Variants in PLCB1 observed in about 807,000 individuals in gnomAD.
PLCB1 encodes phospholipase C beta 1.
In PLCB1, 46 loss-of-function variants were observed where a neutral mutation model predicts 161.8. The observed-to-expected ratio is 0.28, with a 90% CI of 0.22 to 0.36. The LOEUF (loss-of-function observed/expected upper bound fraction) is 0.36. Ranked by LOEUF, PLCB1 falls within the 10% of genes least tolerant of loss-of-function variation. The pLI is 1.00. For synonymous variants in PLCB1, 517 were observed against 503.7 expected, an observed-to-expected ratio of 1.03 and a Z score of -0.35; for missense variants, 1,016 against 1,472.5, an observed-to-expected ratio of 0.69 and a Z score of 5.07.
At chr20:8,820,165 A>C (rs936161346) in intron 31 of PLCB1, among the ~76,000 whole-genome samples, 13 of 148,346 alleles carry the variant, frequency 8.8e-5, no homozygotes, top group Non-Finnish European at 1.6e-4. Context: ...TACGAATTCA[A>C]CCAGCAGATA....
intron 2 of PLCB1, among the ~76,000 whole-genome samples, chr20:8,206,218 G>T (rs1323130643): frequency 2.0e-5 from 3 of 152,092 alleles, no homozygotes; most frequent in Non-Finnish European, 4.4e-5. Flanking sequence ...CAGTGGCTTT[G>T]GTTTTAAGGT....
chr20:8,707,247 G>C (rs1978734195), intron 11 of PLCB1, among the ~76,000 whole-genome samples: 1 of 152,106 alleles, frequency 6.6e-6, no homozygotes, highest in Non-Finnish European at 1.5e-5. Flanking sequence ...ATACTCTGGG[G>C]CCAGGGAAAT....
chr20:8,334,367 A>G (rs1210381097), intron 2 of PLCB1, among the ~76,000 whole-genome samples: 2 of 152,254 alleles, frequency 1.3e-5, no homozygotes, highest in African/African-American at 2.4e-5. Context: ...ATTTATAAGC[A>G]TTAAATTGAA....
At chr20:8,675,790 G>A (rs73597546) in intron 9 of PLCB1, among the ~76,000 whole-genome samples, 14,016 of 152,148 alleles carry the variant, frequency 0.092, 756 homozygotes, top group African/African-American at 0.15. Context: ...TAGGTATCTG[G>A]CTATATGTTT....
At chr20:8,733,137 C>T in intron 18 of PLCB1, 101 bp from the exon 19 acceptor site, 7 of 1,159,210 alleles carry the variant, frequency 6.0e-6, no homozygotes, top group South Asian at 4.1e-5. Flanking sequence ...CAAGGGAATA[C>T]AGTCACAAAA....
intron 3 of PLCB1, among the ~76,000 whole-genome samples, chr20:8,552,871 C>T (rs987240790): frequency 3.3e-5 from 5 of 151,972 alleles, no homozygotes; most frequent in Admixed American, 2.0e-4. Flanking sequence ...TTTTATATCT[C>T]GAAAAGCTTT....
At chr20:8,253,493 G>A (rs149317212) in intron 2 of PLCB1, among the ~76,000 whole-genome samples, 7 of 151,998 alleles carry the variant, frequency 4.6e-5, no homozygotes, top group Non-Finnish European at 1.0e-4. Context: ...CACCATTTTC[G>A]ACAAACCATG....
intron 4 of PLCB1, among the ~76,000 whole-genome samples, chr20:8,637,096 C>G (rs1326298532): frequency 6.6e-6 from 1 of 151,410 alleles, no homozygotes; most frequent in Admixed American, 6.6e-5. Context: ...AATCTGGCTT[C>G]CTTGTTTAAA....
At chr20:8,685,139 C>T in intron 10 of PLCB1, 61 bp downstream of exon 10, 1 of 1,485,314 alleles carries the variant, frequency 6.7e-7, no homozygotes, top group Non-Finnish European at 9.4e-7. Context: ...CCAACCTCTA[C>T]TTTCTGTTGT....
At chr20:8,547,969 T>C (rs1985615983) in intron 3 of PLCB1, among the ~76,000 whole-genome samples, 1 of 152,108 alleles carries the variant, frequency 6.6e-6, no homozygotes, top group South Asian at 2.1e-4. Context: ...TCTCTTCCCT[T>C]AGTTATACTT....
Position 8,881,672 on chromosome 20 carries a change from C to A in PLCB1, c.3474C>A (p.Pro1158=). ...ACCAAGACAAATTCAAAAGACTGCC[C>A]CTCGAGATTTTGGAATTCGTGCAGG... ...QEYQDKFKRL[P]LEILEFVQEA... The change falls in exon 32 of 32, where the codon CCC becomes CCA. Residue 1158 remains proline, a synonymous_variant. Coordinates refer to ENST00000338037, the MANE Select transcript of PLCB1 (RefSeq NM_015192.4). 6.2e-7 allele frequency: 1 copy of A among 1,614,016 alleles called. No homozygotes were observed. The highest frequency in any genetic ancestry group is 8.5e-7 in the Non-Finnish European group (1 of 1,180,000).
chr20:8,467,024 C>A (rs980743088), intron 3 of PLCB1, among the ~76,000 whole-genome samples: 6 of 152,174 alleles, frequency 3.9e-5, no homozygotes, highest in Admixed American at 3.3e-4. Flanking sequence ...ACTGTAACTT[C>A]TGCCTCCTTG....
At chr20:8,141,552 G>C (rs186886768) in intron 1 of PLCB1, among the ~76,000 whole-genome samples, 1 of 151,300 alleles carries the variant, frequency 6.6e-6, no homozygotes, top group Admixed American at 6.6e-5. Flanking sequence ...AAACCCAGGA[G>C]GCAGGCAGAG....
At chr20:8,583,582 T>C (rs1187787757) in intron 3 of PLCB1, among the ~76,000 whole-genome samples, 1 of 152,160 alleles carries the variant, frequency 6.6e-6, no homozygotes, top group Non-Finnish European at 1.5e-5. Context: ...AACTTTATGA[T>C]CTGTGTGCTT....
At chr20:8,343,487 G>A (rs1184186177) in intron 2 of PLCB1, among the ~76,000 whole-genome samples, 1 of 152,136 alleles carries the variant, frequency 6.6e-6, no homozygotes, top group Admixed American at 6.6e-5. Flanking sequence ...CTAGATTATT[G>A]TAGTAGCCCG....
chr20:8,748,415 C>A (rs1981282394), intron 23 of PLCB1, among the ~76,000 whole-genome samples: 1 of 152,172 alleles, frequency 6.6e-6, no homozygotes, highest in African/African-American at 2.4e-5. Flanking sequence ...AAAGACCATT[C>A]ATTCACTTGA....
At chr20:8,543,750 A>T (rs1394496765) in intron 3 of PLCB1, among the ~76,000 whole-genome samples, 2 of 151,906 alleles carry the variant, frequency 1.3e-5, no homozygotes, top group East Asian at 3.9e-4. Context: ...TGATTAGATT[A>T]TGGGGGCAGT....
intron 3 of PLCB1, among the ~76,000 whole-genome samples, chr20:8,372,452 T>A (rs1030354441): frequency 5.9e-5 from 9 of 152,216 alleles, no homozygotes; most frequent in Admixed American, 1.3e-4. Flanking sequence ...CTGGGTTTTT[T>A]AATTTTTTAA....
At chr20:8,383,661 T>C (rs1173610492) in intron 3 of PLCB1, among the ~76,000 whole-genome samples, 1 of 152,216 alleles carries the variant, frequency 6.6e-6, no homozygotes, top group East Asian at 1.9e-4. Flanking sequence ...GTTTTTGCAA[T>C]GGCTGGTTTT....
Sources: allele counts gnomAD v4.1 joint callset (sites outside exome capture counted in the v4.1 genomes callset), GRCh38; gene constraint gnomAD v4.1.1; transcripts MANE v1.5; gene names NCBI Gene and HGNC (gene_info 2026-07-23, HGNC 2026-07-21).